The following CHST8 variants were observed in gnomAD, a reference collection of about 807,000 sequenced individuals.
CHST8 encodes the protein GALNAC-4-ST1.
Under a neutral mutation model 15.0 loss-of-function variants are expected in CHST8, and 10 were observed. That is an observed-to-expected ratio of 0.67 (90% CI 0.41 to 1.13). The LOEUF is 1.13. Among genes scored for constraint, CHST8 ranks in the 50% most tolerant of loss-of-function variants. CHST8 has a pLI of 0.00. For missense variants in CHST8, 634 were observed against 608.2 expected (o/e 1.04, Z -0.45); for synonymous variants, 259 against 256.6 (o/e 1.01, Z -0.09).
chr19:33,629,524 G>A (rs542318423), intron 1 of CHST8, among the ~76,000 whole-genome samples: 83 of 152,360 alleles, frequency 5.4e-4, no homozygotes, highest in East Asian at 1.5e-3. Context: ...AGCACAGGTC[G>A]GGCCCTGGGT....
At chr19:33,653,727 T>C (rs901067896) in intron 1 of CHST8, among the ~76,000 whole-genome samples, 9 of 152,200 alleles carry the variant, frequency 5.9e-5, no homozygotes, top group African/African-American at 2.2e-4. Flanking sequence ...TACTCATCTA[T>C]ATAATGGAGG....
At chr19:33,742,174 A>G (rs1456065554) in intron 3 of CHST8, among the ~76,000 whole-genome samples, 1 of 152,114 alleles carries the variant, frequency 6.6e-6, no homozygotes, top group African/African-American at 2.4e-5. Flanking sequence ...TCCCATGTGT[A>G]TTTGCCATGA....
chr19:33,719,230 A>G (rs1199903423), intron 3 of CHST8, among the ~76,000 whole-genome samples: 2 of 108,082 alleles, frequency 1.9e-5, no homozygotes. Flanking sequence ...TAAGGCAAAT[A>G]CCTTCTGTCA....
chr19:33,711,864 C>T (rs1455706773), intron 3 of CHST8, among the ~76,000 whole-genome samples: 1 of 151,802 alleles, frequency 6.6e-6, no homozygotes, highest in East Asian at 1.9e-4. Context: ...AACTCCTGAC[C>T]TCAAATGATC....
chr19:33,705,212 C>T (rs1250411637), intron 3 of CHST8, among the ~76,000 whole-genome samples: 1 of 152,180 alleles, frequency 6.6e-6, no homozygotes, highest in East Asian at 1.9e-4. Flanking sequence ...TACTTCCAGC[C>T]CCATAGGACC....
At position 33,772,010 on chromosome 19, in the gene CHST8, G is replaced by T. The variant is rs1974994256; in HGVS notation, c.222G>T (p.Arg74Ser). ...GTGACTTGAAGGAACCCACAGAGAG[G>T]GTCACTCGGGACTTATCCAGTGGGG... Reference protein sequence around the residue: ...QDGDLKEPTERVTRDLSSGAP... With the variant: ...QDGDLKEPTESVTRDLSSGAP... The change falls in exon 5 of 5, where the codon AGG becomes AGT. Residue 74 changes from arginine to serine, a missense_variant. By Grantham distance (110) the Arg-to-Ser change is moderately radical (BLOSUM62 -1). Transcript: ENST00000650847. 2 of 1,604,382 alleles carry T rather than the reference G, an allele frequency of 1.2e-6. No individual in the cohort carries two copies. The highest frequency in any genetic ancestry group is 1.7e-6 in the Non-Finnish European group (2 of 1,176,784).
intron 1 of CHST8, among the ~76,000 whole-genome samples, chr19:33,627,699 C>T (rs112657662): frequency 2.6e-5 from 4 of 152,214 alleles, no homozygotes; most frequent in African/African-American, 7.2e-5. Context: ...GAATCATCAA[C>T]GTTGAAACCT....
chr19:33,732,914 C>T (rs1461245252), intron 3 of CHST8, among the ~76,000 whole-genome samples: 2 of 152,204 alleles, frequency 1.3e-5, no homozygotes, highest in African/African-American at 4.8e-5. Context: ...CCCAGCAGAT[C>T]AGTGTGTTCA....
At chr19:33,736,837 C>T (rs953128052) in intron 3 of CHST8, among the ~76,000 whole-genome samples, 3 of 152,234 alleles carry the variant, frequency 2.0e-5, no homozygotes, top group South Asian at 4.1e-4. Flanking sequence ...TGTGTCACTG[C>T]CATTCTGAGA....
intron 3 of CHST8, among the ~76,000 whole-genome samples, chr19:33,699,968 C>G (rs531267904): frequency 6.6e-6 from 1 of 152,340 alleles, no homozygotes; most frequent in Admixed American, 6.5e-5. Flanking sequence ...ATAGAGGCAA[C>G]AGAAGTGCAG....
At chr19:33,695,821 C>CTTTCTTTCT (rs57718433) in intron 3 of CHST8, among the ~76,000 whole-genome samples, 54 of 76,212 alleles carry the variant, frequency 7.1e-4, no homozygotes, top group African/African-American at 1.7e-3. Flanking sequence ...TTCTTTCTTT[C>CTTTCTTTCT]TTTTTTTTTT....
chr19:33,657,175 A>C (rs1039029095), intron 1 of CHST8, among the ~76,000 whole-genome samples: 8 of 151,818 alleles, frequency 5.3e-5, no homozygotes, highest in African/African-American at 9.7e-5. Flanking sequence ...ATATACTTAT[A>C]CACACATACA....
intron 1 of CHST8, among the ~76,000 whole-genome samples, chr19:33,635,492 C>G (rs1009151027): frequency 6.6e-6 from 1 of 152,116 alleles, no homozygotes; most frequent in Non-Finnish European, 1.5e-5. Context: ...GTAATGCCAG[C>G]TCTTTGGGAG....
chr19:33,648,902 CTT>C (rs376386370), intron 1 of CHST8, among the ~76,000 whole-genome samples: 96 of 99,966 alleles, frequency 9.6e-4, no homozygotes, highest in African/African-American at 3.1e-3. Flanking sequence ...GAATGAAGCA[CTT>C]TTTTTTTTTT....
intron 1 of CHST8, among the ~76,000 whole-genome samples, chr19:33,662,841 C>T (rs538776657): frequency 1.3e-5 from 2 of 152,346 alleles, no homozygotes; most frequent in East Asian, 3.9e-4. Context: ...CTCCACAAAA[C>T]TCAGCTTCTC....
chr19:33,626,190 C>T (rs1972051256), intron 1 of CHST8, among the ~76,000 whole-genome samples: 2 of 152,132 alleles, frequency 1.3e-5, no homozygotes, highest in Non-Finnish European at 2.9e-5. Flanking sequence ...CATGGCAGAT[C>T]GTGAGGCTTA....
At chr19:33,702,060 C>A (rs139037599) in intron 3 of CHST8, among the ~76,000 whole-genome samples, 1 of 152,162 alleles carries the variant, frequency 6.6e-6, no homozygotes. Context: ...CTGCAACTTC[C>A]GCCTCCCAAG....
At chr19:33,672,557 A>G (rs1972753063) in intron 2 of CHST8, among the ~76,000 whole-genome samples, 1 of 152,166 alleles carries the variant, frequency 6.6e-6, no homozygotes, top group Admixed American at 6.5e-5. Flanking sequence ...CGGAAAGTGC[A>G]AGTTCTTAGG....
chr19:33,758,510 G>A (rs1421329692), intron 3 of CHST8, among the ~76,000 whole-genome samples: 3 of 152,252 alleles, frequency 2.0e-5, no homozygotes, highest in African/African-American at 7.2e-5. Flanking sequence ...ATTCACTTTT[G>A]TGGCTCTTTA....
Sources: gnomAD v4.1 joint callset for allele counts (sites outside exome capture counted in the v4.1 genomes callset) on GRCh38, gnomAD v4.1.1 for gene constraint, MANE v1.5 for transcripts, NCBI Gene and HGNC (gene_info 2026-07-23, HGNC 2026-07-21) for gene names.